Variants in GPR17 observed in about 807,000 individuals in gnomAD.
GPR17 encodes uracil nucleotide/cysteinyl leukotriene receptor.
A neutral mutation model predicts 1.5 loss-of-function variants in GPR17; 4 were observed. The observed-to-expected ratio is 2.73, with a 90% CI of 1.35 to 6.25. The LOEUF (loss-of-function observed/expected upper bound fraction) is 6.25. Among genes scored for constraint, GPR17 ranks in the 30% most tolerant of loss-of-function variants. The probability of loss-of-function intolerance (pLI) is 0.00; values close to 1 mark genes in which losing one functional copy is unlikely to be tolerated. For missense variants in GPR17, 463 were observed against 462.1 expected, an observed-to-expected ratio of 1.00 and a Z score of -0.02; for synonymous variants, 209 against 207.6, an observed-to-expected ratio of 1.01 and a Z score of -0.06.
chr2:127,647,578 G>T lies in GPR17; in HGVS notation c.-21+1334G>T, dbSNP rs113415319. Among the ~76,000 whole-genome samples the T allele has an allele frequency of 4.4e-3, 674 of 152,236 alleles. 1 individual carries two copies. Among genetic ancestry groups the T allele is most frequent in the Non-Finnish European group, 7.0e-3 (474 of 68,002 alleles). ...GGGCACAGCACAGGCCTGAGGGACAGCCTGGGGTGGAGGGCACCCACCTTG... is the reference window on the plus strand; with the variant it reads ...GGGCACAGCACAGGCCTGAGGGACATCCTGGGGTGGAGGGCACCCACCTTG... On this transcript the variant is annotated intron_variant, in intron 1 of 1. Coordinates refer to ENST00000486700, the MANE Select transcript of GPR17 (RefSeq NM_001161417.2). This position sits in a 1 kb window ranked among gnomAD's most constrained non-coding sequence, Gnocchi z 4.3.
At chr2:127,649,928 C>G in intron 1 of GPR17, 1 of 1,160,944 alleles carries the variant, frequency 8.6e-7, no homozygotes, top group Non-Finnish European at 1.3e-6. Flanking sequence ...GGTGGTGGAT[C>G]TACTCTGGGA....
intron 1 of GPR17, among the ~76,000 whole-genome samples, chr2:127,649,100 AAAG>A (rs1366432502): frequency 6.6e-6 from 1 of 150,984 alleles, no homozygotes; most frequent in Non-Finnish European, 1.5e-5. Flanking sequence ...AGAAAAAAGA[AAAG>A]AAAAAAGGAA....
intron 1 of GPR17, chr2:127,648,067 C>T (rs62161993): frequency 0.057 from 55,692 of 985,650 alleles, 1,755 homozygotes; most frequent in Non-Finnish European, 0.062. Flanking sequence ...GCTCTCCGCC[C>T]TCACCGTGGT....
At chr2:127,649,159 G>GGAAGGAAGGAAGGAAA (rs1558878241) in intron 1 of GPR17, among the ~76,000 whole-genome samples, 38 of 120,818 alleles carry the variant, frequency 3.1e-4, no homozygotes, top group Non-Finnish European at 4.6e-4. Flanking sequence ...GAGAGAGAGA[G>GGAAGGAAGGAAGGAAA]GAAGGTAGGA....
At chr2:127,650,141 C>A in intron 1 of GPR17, 1 of 1,408,532 alleles carries the variant, frequency 7.1e-7, no homozygotes. Flanking sequence ...TGGGGGCACC[C>A]TCCTAAGTGC....
rs376520675 is a variant in GPR17 at position 127,651,543 on chromosome 2, G to A, written c.808G>A (p.Ala270Thr). Reference protein sequence around the residue: ...LHYRSHGASCATQRILALANR... With the variant: ...LHYRSHGASCTTQRILALANR... ...CTACCGCAGCCATGGGGCCTCCTGC[G>A]CCACCCAGCGCATCCTGGCCCTGGC... Residue 270 changes from alanine to threonine, a missense_variant, in exon 2 of 2, where the codon GCC becomes ACC. Transcript: ENST00000486700. The A allele has an allele frequency of 4.4e-5, 71 of 1,612,386 alleles. No individual in the cohort carries two copies. Among genetic ancestry groups the A allele is most frequent in the South Asian group, 3.8e-4 (35 of 91,070 alleles).
At chr2:127,649,404 T>C (rs984726854) in intron 1 of GPR17, among the ~76,000 whole-genome samples, 1 of 152,214 alleles carries the variant, frequency 6.6e-6, no homozygotes, top group African/African-American at 2.4e-5. Context: ...TGCTTCAGCC[T>C]GGCTGTGCAG....
chr2:127,649,024 A>G (rs1470648185), intron 1 of GPR17, among the ~76,000 whole-genome samples: 1 of 86,566 alleles, frequency 1.2e-5, no homozygotes, highest in African/African-American at 4.1e-5. Flanking sequence ...GGGAGGGAGG[A>G]AAGAAAGAAA....
rs1683667268 is a variant in GPR17 at position 127,650,768 on chromosome 2, G to A, written c.33G>A (p.Leu11=). The change falls in exon 2 of 2, where the codon CTG becomes CTA. Residue 11 remains leucine (L), a synonymous_variant. Coordinates refer to ENST00000486700, the MANE Select transcript of GPR17 (RefSeq NM_001161417.2). The stretch of plus-strand genomic sequence containing the variant: ...GCCTTGAAGTGGCTCCCCCAGGTCT[G>A]ATCACCAACTTCTCCCTGGCCACGG... The part of the protein sequence containing the change: MNGLEVAPPG[L]ITNFSLATAE... 2 of 1,613,848 alleles carry A rather than the reference G, an allele frequency of 1.2e-6. No homozygotes were observed. Among genetic ancestry groups the A allele is most frequent in the Non-Finnish European group, 1.7e-6 (2 of 1,179,894 alleles).
At chr2:127,648,795 C>T (rs922837240) in intron 1 of GPR17, among the ~76,000 whole-genome samples, 7 of 151,514 alleles carry the variant, frequency 4.6e-5, no homozygotes, top group Non-Finnish European at 1.0e-4. Flanking sequence ...GTGGTGTGCG[C>T]CTGTAGTCCC....
rs1683608971 is a variant in GPR17, at chr2:127,650,394, C to G, written c.-20-322C>G. The G allele has an allele frequency of 5.6e-6, 3 of 535,208 alleles. No individual in the cohort carries two copies. The South Asian group carries it at 7.3e-5, about 13-fold the overall frequency. The allele number at this position is 535,208 out of a possible 1,614,324, so 33.2% of individuals were successfully genotyped here. ...CCCAGAGCCTCACCCAGGCAAGGCT[C>G]ACGTCCCATTCCCCGCCATGGCACT... On this transcript the variant is annotated intron_variant, in intron 1 of 1. Transcript: ENST00000486700.
intron 1 of GPR17, chr2:127,650,366 A>G: frequency 1.9e-6 from 1 of 530,706 alleles, no homozygotes; most frequent in Non-Finnish European, 3.3e-6. Flanking sequence ...GCAGAACAGA[A>G]AACCCAGAGC....
intron 1 of GPR17, among the ~76,000 whole-genome samples, chr2:127,649,078 G>GAAAAA (rs1683366204): frequency 1.8e-5 from 2 of 110,234 alleles, no homozygotes; most frequent in African/African-American, 3.2e-5. Context: ...GAAGGAAAAA[G>GAAAAA]AAAAGAAAAA....
At chr2:127,649,903 G>A (rs1255608070) in intron 1 of GPR17, 2 of 900,836 alleles carry the variant, frequency 2.2e-6, no homozygotes, top group Admixed American at 4.6e-5. Flanking sequence ...CCTCCTGGAA[G>A]AGATGCTGCC....
intron 1 of GPR17, among the ~76,000 whole-genome samples, chr2:127,646,861 G>A (rs1419933314): frequency 4.6e-5 from 7 of 152,238 alleles, no homozygotes; most frequent in African/African-American, 7.2e-5. Flanking sequence ...AGAGTGAAGC[G>A]GGGCCCATCT....
intron 1 of GPR17, chr2:127,648,191 G>C (rs1444196660): frequency 8.1e-6 from 8 of 985,304 alleles, no homozygotes; most frequent in Middle Eastern, 5.2e-4. Context: ...ATTGGACTAA[G>C]AACAGACCCT....
intron 1 of GPR17, chr2:127,650,215 C>A (rs1683587316): frequency 1.4e-6 from 1 of 729,646 alleles, no homozygotes; most frequent in Non-Finnish European, 2.3e-6. Flanking sequence ...CACCTGTGGG[C>A]AGGTGGGTCA....
chr2:127,649,892 C>T (rs971728784), intron 1 of GPR17: 96 of 813,438 alleles, frequency 1.2e-4, no homozygotes, highest in Middle Eastern at 5.1e-4. Context: ...ATGGGTCTTC[C>T]CCTCCTGGAA....
At position 127,652,056 on chromosome 2, in the gene GPR17, T is replaced by C; in HGVS notation, c.*301T>C. ...ACAACCCCTGAACAATGGAGGCCTT[T>C]CTTTCCCGCTAGGCTCCCAGCCTCC... is the stretch of plus-strand genomic sequence containing the variant. On this transcript the variant is annotated 3_prime_UTR_variant, in exon 2 of 2. Coordinates refer to ENST00000486700, the MANE Select transcript of GPR17 (RefSeq NM_001161417.2). 1 of 392,130 alleles carries C rather than the reference T, an allele frequency of 2.6e-6. No homozygotes were observed. The allele number at this position is 392,130 out of a possible 1,614,324, so 24.3% of individuals were successfully genotyped here. A position where few individuals can be genotyped will look rare whatever the true frequency, so the allele number is the denominator to read the frequency against.
Sources: gnomAD v4.1 joint callset for allele counts (sites outside exome capture counted in the v4.1 genomes callset) on GRCh38, gnomAD v4.1.1 for gene constraint, Gnocchi (gnomAD v3.1) non-coding constraint, MANE v1.5 for transcripts, NCBI Gene and HGNC (gene_info 2026-07-23, HGNC 2026-07-21) for gene names.